Variants in CC2D2B observed in about 807,000 individuals in gnomAD.
The protein encoded by CC2D2B is coiled-coil and C2 domain containing 2B.
Under a neutral mutation model 161.2 loss-of-function variants are expected in CC2D2B, and 128 were observed. The observed-to-expected ratio is 0.79, with a 90% CI of 0.69 to 0.92. The LOEUF is 0.92. CC2D2B is among the 40% of genes least tolerant of loss of function. The pLI is 0.00. For missense variants in CC2D2B, 1,173 were observed against 1,375.1 expected, an observed-to-expected ratio of 0.85 and a Z score of 2.32; for synonymous variants, 391 against 449.8, an observed-to-expected ratio of 0.87 and a Z score of 1.65.
At position 95,996,216 on chromosome 10, in the gene CC2D2B, A is replaced by T. The variant is rs1590804858; in HGVS notation, c.2813A>T (p.His938Leu). The change falls in exon 24 of 35, where the codon CAT (histidine) becomes CTT (leucine). Residue 938 changes from histidine (H) to leucine (L), a missense_variant. His to Leu is a moderately conservative substitution (Grantham distance 99). This residue lies in a region of CC2D2B where 598 missense variants were observed against 693.2 expected (regional missense o/e 0.86). Coordinates refer to ENST00000646931, the MANE Select transcript of CC2D2B (RefSeq NM_001349008.3). ...VYKTNTASGS[H>L]PCWNEEIKVD... ...AAAACCAATACAGCAAGTGGATCTC[A>T]TCCATGCTGGAATGAAGAAATTAAA... 1 of 1,465,404 alleles carries T rather than the reference A, an allele frequency of 6.8e-7. No homozygotes were observed. The highest frequency in any genetic ancestry group is 2.5e-5 in the East Asian group (1 of 39,942). The allele number at this position is 1,465,404 out of a possible 1,614,324, so 90.8% of individuals were successfully genotyped here.
rs186188170 is a variant in CC2D2B, at chr10:95,958,299, G to A, written c.1109+2808G>A. ...TTGAGGCCAGGAGTTCAAGACTAGC[G>A]TAGTTAACATGGTGAAACCCCAACT... On this transcript the variant is annotated intron_variant, in intron 11 of 34. Transcript: ENST00000646931. 8.1e-3 allele frequency among the ~76,000 whole-genome samples: 1,237 copies of A among 152,162 alleles called. 15 individuals carry two copies. Among genetic ancestry groups the A allele is most frequent in the Non-Finnish European group, 0.014 (948 of 67,980 alleles).
chr10:96,011,238 T>G (rs1271218521), intron 26 of CC2D2B, among the ~76,000 whole-genome samples: 1 of 152,172 alleles, frequency 6.6e-6, no homozygotes, highest in Non-Finnish European at 1.5e-5. Flanking sequence ...ATACACATTG[T>G]TGGAGGTACA....
At position 95,954,026 on chromosome 10, in the gene CC2D2B, A is replaced by G. The variant is rs2076491857; in HGVS notation, c.1012-1368A>G. Among the ~76,000 whole-genome samples, 3 of 152,188 alleles carry G rather than the reference A, an allele frequency of 2.0e-5. No homozygotes were observed. The South Asian group carries it at 6.2e-4, about 32-fold the overall frequency. On this transcript the variant is annotated intron_variant, in intron 10 of 34. Coordinates refer to ENST00000646931, the MANE Select transcript of CC2D2B (RefSeq NM_001349008.3). ...TGAAATGGCTGCAAATAGCTGCACT[A>G]ATCAGTTTACCTCAAAAACACATGG...
At chr10:95,920,553 G>A (rs4303172) in intron 2 of CC2D2B, 94,475 of 151,430 alleles carry the variant, frequency 0.62, 30,033 homozygotes, top group Admixed American at 0.7. Flanking sequence ...TAATCATATC[G>A]CCAAGTTGCA....
chr10:95,988,757 A>G (rs1171233992), intron 20 of CC2D2B, among the ~76,000 whole-genome samples: 1 of 152,226 alleles, frequency 6.6e-6, no homozygotes, highest in Non-Finnish European at 1.5e-5. Flanking sequence ...AAAAATAGAT[A>G]CGCTTTGAAA....
At chr10:95,986,080 C>G (rs2077707592) in intron 19 of CC2D2B, among the ~76,000 whole-genome samples, 2 of 152,042 alleles carry the variant, frequency 1.3e-5, no homozygotes, top group South Asian at 4.2e-4. Context: ...CACCCTGCCT[C>G]CATTTGCCTT....
intron 24 of CC2D2B, among the ~76,000 whole-genome samples, chr10:96,001,300 A>T (rs539624760): frequency 6.6e-6 from 1 of 152,244 alleles, no homozygotes; most frequent in East Asian, 1.9e-4. Flanking sequence ...AGGTGGGAAA[A>T]TTTACTTCTT....
intron 32 of CC2D2B, among the ~76,000 whole-genome samples, chr10:96,022,282 A>G (rs2079500001): frequency 6.6e-6 from 1 of 152,134 alleles, no homozygotes; most frequent in South Asian, 2.1e-4. Context: ...AAATTGCACC[A>G]CTGCACTCCA....
rs190555793 is a variant in CC2D2B at position 96,031,545 on chromosome 10, A to G, written c.4126-275A>G. Reference sequence around the variant, plus strand: ...AGTTTGCTCTCTAGAAAGTTTGTGGAATGTTACATGTGCAGGCTTTGGACT... The same window carrying G: ...AGTTTGCTCTCTAGAAAGTTTGTGGGATGTTACATGTGCAGGCTTTGGACT... On this transcript the variant is annotated intron_variant, in intron 34 of 34. Coordinates refer to ENST00000646931, the MANE Select transcript of CC2D2B (RefSeq NM_001349008.3). Among the ~76,000 whole-genome samples the G allele has an allele frequency of 3.3e-5, 5 of 152,280 alleles. No homozygotes were observed. In the East Asian group the frequency reaches 9.6e-4, roughly 29 times the overall value.
At chr10:95,973,968 C>T in intron 16 of CC2D2B, 41 bp from the exon 17 acceptor site, 1 of 1,175,700 alleles carries the variant, frequency 8.5e-7, no homozygotes, top group South Asian at 4.3e-5. Context: ...TTCAACTGCA[C>T]TTAAAACAAT....
At chr10:96,000,998 A>T (rs981647302) in intron 24 of CC2D2B, among the ~76,000 whole-genome samples, 4 of 152,198 alleles carry the variant, frequency 2.6e-5, no homozygotes, top group Admixed American at 2.0e-4. Flanking sequence ...TTTTTAGTTA[A>T]AATAGTTAAT....
At chr10:96,030,580 C>A (rs1451192255) in intron 34 of CC2D2B, among the ~76,000 whole-genome samples, 1 of 152,028 alleles carries the variant, frequency 6.6e-6, no homozygotes, top group Non-Finnish European at 1.5e-5. Flanking sequence ...GTTGTTTTTG[C>A]TTTGCTTTGC....
intron 14 of CC2D2B, among the ~76,000 whole-genome samples, chr10:95,967,477 C>A (rs1435770665): frequency 1.3e-5 from 2 of 151,858 alleles, no homozygotes; most frequent in African/African-American, 4.8e-5. Context: ...TTTAACACAC[C>A]CAGTAGAATA....
At chr10:96,001,743 A>G (rs1212977396) in intron 24 of CC2D2B, among the ~76,000 whole-genome samples, 1 of 152,220 alleles carries the variant, frequency 6.6e-6, no homozygotes, top group Non-Finnish European at 1.5e-5. Context: ...GCAGAAATCA[A>G]ATTTGTTCTT....
chr10:96,009,604 CAT>C lies in CC2D2B; in HGVS notation c.2947-219_2947-218del, dbSNP rs377282574. Among the ~76,000 whole-genome samples, 1,013 of 152,242 alleles carry C rather than the reference CAT, an allele frequency of 6.7e-3. 14 individuals are homozygous for C. Among genetic ancestry groups the C allele is most frequent in the African/African-American group, 0.022 (916 of 41,556 alleles). ...GTCATACATTCTACTTTACACAAGT[CAT>C]AAACTCCACAACAGATAATTTTCTC... On this transcript the variant is annotated intron_variant, in intron 25 of 34. Coordinates refer to ENST00000646931, the MANE Select transcript of CC2D2B (RefSeq NM_001349008.3).
In CC2D2B at chr10:96,027,135, A is replaced by G; in HGVS notation, c.3948-77A>G. ...CGAGACTTCGTCTCAAAAAAAAAAA[A>G]AAGTCACAAAACTCTTATTATATTT... On this transcript the variant is annotated intron_variant, in intron 33 of 34. Coordinates refer to ENST00000646931, the MANE Select transcript of CC2D2B (RefSeq NM_001349008.3). 4 of 1,152,570 alleles carry G rather than the reference A, an allele frequency of 3.5e-6. No individual in the cohort carries two copies. In the South Asian group the frequency reaches 5.8e-5, roughly 17 times the overall value. 71.4% of individuals were successfully genotyped at this position (1,152,570 alleles called of 1,614,324 possible). A position where few individuals can be genotyped will look rare whatever the true frequency, so the allele number is the denominator to read the frequency against.
chr10:95,959,028 G>A (rs1314573954), intron 11 of CC2D2B, among the ~76,000 whole-genome samples: 1 of 152,062 alleles, frequency 6.6e-6, no homozygotes, highest in Non-Finnish European at 1.5e-5. Context: ...TATAGATGCT[G>A]TATATTTTAA....
chr10:95,963,415 G>A lies in CC2D2B; in HGVS notation c.1250+1446G>A, dbSNP rs147760735. Among the ~76,000 whole-genome samples the A allele has an allele frequency of 5.3e-5, 8 of 152,144 alleles. No individual in the cohort carries two copies. In the East Asian group the frequency reaches 1.2e-3, roughly 22 times the overall value. ...GACACTGAGCTCAGGTTATCATTTCGTCATGTATTTGGTTTGGGGCATGTT... is the reference window on the plus strand; with the variant it reads ...GACACTGAGCTCAGGTTATCATTTCATCATGTATTTGGTTTGGGGCATGTT... On this transcript the variant is annotated intron_variant, in intron 12 of 34. Coordinates refer to ENST00000646931, the MANE Select transcript of CC2D2B (RefSeq NM_001349008.3).
intron 9 of CC2D2B, among the ~76,000 whole-genome samples, chr10:95,940,128 G>A (rs963215057): frequency 3.3e-5 from 5 of 152,072 alleles, no homozygotes; most frequent in African/African-American, 9.7e-5. Flanking sequence ...GGCACTTCAC[G>A]AGGCTAGAGT....
Sources: gnomAD v4.1 joint callset for allele counts (sites outside exome capture counted in the v4.1 genomes callset) on GRCh38, gnomAD v4.1.1 for gene constraint, gnomAD v4.1.1 regional missense constraint, MANE v1.5 for transcripts, NCBI Gene and HGNC (gene_info 2026-07-23, HGNC 2026-07-21) for gene names.